KANK1: variants seen among roughly 807,000 people sequenced by gnomAD.
KANK1 encodes the protein KN motif and ankyrin repeat domain-containing protein 1.
In KANK1, 109 loss-of-function variants were observed where a neutral mutation model predicts 106.2. That is an observed-to-expected ratio of 1.03 (90% CI 0.88 to 1.20). KANK1 has a LOEUF of 1.20. Among genes scored for constraint, KANK1 ranks in the 50% most tolerant of loss-of-function variants. KANK1 has a pLI of 0.00. For missense variants in KANK1, 2,399 were observed against 1,710.7 expected (o/e 1.40, Z -7.10); for synonymous variants, 873 against 652.2 (o/e 1.34, Z -5.16).
intron 11 of KANK1, 28 bp from the exon 12 acceptor site, chr9:745,145 C>T: frequency 1.9e-6 from 3 of 1,612,008 alleles, no homozygotes; most frequent in Non-Finnish European, 1.7e-6. Flanking sequence ...TTATTAACCC[C>T]CAGTTTTTTT....
chr9:677,675 ATTTC>A (rs1472882993), intron 2 of KANK1: 1 of 152,188 alleles, frequency 6.6e-6, no homozygotes, highest in African/African-American at 2.4e-5. Flanking sequence ...CCAAGTGTTC[ATTTC>A]TTTTTTGAGT....
chr9:505,086 G>C (rs1294852912), intron 1 of KANK1, among the ~76,000 whole-genome samples: 2 of 152,002 alleles, frequency 1.3e-5, no homozygotes, highest in Non-Finnish European at 2.9e-5. Flanking sequence ...GAGAAAGTTC[G>C]GGCCGGGCCG....
At chr9:535,861 C>G (rs1400147939) in intron 1 of KANK1, among the ~76,000 whole-genome samples, 1 of 152,188 alleles carries the variant, frequency 6.6e-6, no homozygotes, top group African/African-American at 2.4e-5. Flanking sequence ...ATTAACAGGT[C>G]TGTTCAAGGC....
intron 3 of KANK1, among the ~76,000 whole-genome samples, chr9:724,677 T>G (rs550114008): frequency 6.6e-6 from 1 of 152,130 alleles, no homozygotes; most frequent in South Asian, 2.1e-4. Flanking sequence ...TGGCGGGCAC[T>G]TGTAATCCCA....
intron 5 of KANK1, 27 bp downstream of exon 5, chr9:731,293 C>T (rs1832184990): frequency 7.4e-7 from 1 of 1,348,130 alleles, no homozygotes; most frequent in African/African-American, 1.4e-5. Context: ...GTTCTAGAGG[C>T]TAATGCTGTC....
chr9:666,731 G>A (rs1050567513), intron 1 of KANK1, among the ~76,000 whole-genome samples: 18 of 152,068 alleles, frequency 1.2e-4, no homozygotes, highest in African/African-American at 4.3e-4. Flanking sequence ...CTGTTAATGT[G>A]TATCACATTT....
intron 1 of KANK1, among the ~76,000 whole-genome samples, chr9:530,663 T>C (rs892645078): frequency 6.6e-6 from 1 of 152,222 alleles, no homozygotes; most frequent in South Asian, 2.1e-4. Context: ...TTATTGTTGA[T>C]GTTAATTGTC....
chr9:528,131 C>T (rs186534959), intron 1 of KANK1, among the ~76,000 whole-genome samples: 9 of 149,030 alleles, frequency 6.0e-5, no homozygotes, highest in Admixed American at 2.7e-4. Context: ...AGCGAGACTC[C>T]GTCTCGGGAA....
At chr9:593,379 C>G (rs1036736627) in intron 1 of KANK1, among the ~76,000 whole-genome samples, 4 of 151,644 alleles carry the variant, frequency 2.6e-5, no homozygotes, top group Non-Finnish European at 5.9e-5. Context: ...CCTAATATAA[C>G]CACTGCTGAG....
chr9:583,021 G>C (rs1314671914), intron 1 of KANK1, among the ~76,000 whole-genome samples: 1 of 152,160 alleles, frequency 6.6e-6, no homozygotes. Context: ...TAATAGTAAA[G>C]ATATGTCATA....
At chr9:482,957 A>C (rs550432511) in intron 3 of KANK1, among the ~76,000 whole-genome samples, 1 of 152,206 alleles carries the variant, frequency 6.6e-6, no homozygotes, top group African/African-American at 2.4e-5. Context: ...GAGTATTCAC[A>C]CTATAGAGGC....
At chr9:686,156 GA>G (rs1468065642) in intron 2 of KANK1, among the ~76,000 whole-genome samples, 1 of 152,136 alleles carries the variant, frequency 6.6e-6, no homozygotes, top group Non-Finnish European at 1.5e-5. Context: ...ACTAAAACCA[GA>G]AAAAAGTTCT....
At chr9:673,150 G>A (rs1334463985) in intron 1 of KANK1, among the ~76,000 whole-genome samples, 1 of 146,752 alleles carries the variant, frequency 6.8e-6, no homozygotes, top group Non-Finnish European at 1.5e-5. Flanking sequence ...ATATACAACT[G>A]TTCTCTTTGC....
At chr9:535,876 T>G in intron 1 of KANK1, among the ~76,000 whole-genome samples, 1 of 152,214 alleles carries the variant, frequency 6.6e-6, no homozygotes, top group East Asian at 1.9e-4. Flanking sequence ...CAAGGCAACG[T>G]AAACCTTTCC....
In KANK1 at chr9:695,083, C is replaced by A. The variant is rs183698665; in HGVS notation, c.38-15721C>A. 2.0e-4 allele frequency among the ~76,000 whole-genome samples: 30 copies of A among 152,248 alleles called. No individual in the cohort carries two copies. The East Asian group carries it at 4.4e-3, about 22-fold the overall frequency. On this transcript the variant is annotated intron_variant, in intron 2 of 11. Transcript: ENST00000382297. ...TGTATGATTCCAGGGCTCTCTTGCC[C>A]ATGGCTCGTGCATGAACTAGGAAGT...
Position 529,918 on chromosome 9 carries a change from G to T in KANK1, c.-84+25164G>T, listed in dbSNP as rs569446194. On this transcript the variant is annotated intron_variant, in intron 1 of 11. Coordinates refer to ENST00000382297, the MANE Select transcript of KANK1 (RefSeq NM_015158.5). Reference sequence around the variant, plus strand: ...TCACAGGCAAGGCATGAAAGCACTTGTTTCTTTATATCGTTGCCAGTACAG... The same window carrying T: ...TCACAGGCAAGGCATGAAAGCACTTTTTTCTTTATATCGTTGCCAGTACAG... Among the ~76,000 whole-genome samples the T allele has an allele frequency of 2.6e-5, 4 of 152,276 alleles. No individual in the cohort carries two copies. In the South Asian group the frequency reaches 8.3e-4, roughly 32 times the overall value.
intron 1 of KANK1, among the ~76,000 whole-genome samples, chr9:538,277 C>G (rs779928416): frequency 6.6e-6 from 1 of 152,174 alleles, no homozygotes; most frequent in South Asian, 2.1e-4. Flanking sequence ...CTCAGTAATG[C>G]CTTCTCAGGC....
At chr9:727,372 G>C (rs993598357) in intron 3 of KANK1, among the ~76,000 whole-genome samples, 1 of 151,842 alleles carries the variant, frequency 6.6e-6, no homozygotes, top group African/African-American at 2.4e-5. Context: ...CTGGAGTGCA[G>C]TGGGACGATC....
intron 1 of KANK1, among the ~76,000 whole-genome samples, chr9:622,139 T>G (rs1187901653): frequency 6.6e-6 from 1 of 152,210 alleles, no homozygotes; most frequent in African/African-American, 2.4e-5. Context: ...GGACAAGGAA[T>G]GGTCTAATTT....
Sources: gnomAD v4.1 joint callset for allele counts (sites outside exome capture counted in the v4.1 genomes callset) on GRCh38, gnomAD v4.1.1 for gene constraint, MANE v1.5 for transcripts, NCBI Gene and HGNC (gene_info 2026-07-23, HGNC 2026-07-21) for gene names.